The following WNK4 variants were observed in gnomAD, a reference collection of about 807,000 sequenced individuals.
WNK4 encodes the protein serine/threonine-protein kinase WNK4.
WNK4 carries 94 observed loss-of-function variants against 116.2 expected under a neutral mutation model. That is an observed-to-expected ratio of 0.81 (90% CI 0.68 to 0.96). WNK4 has a LOEUF of 0.96. WNK4 is among the 40% of genes least tolerant of loss of function. WNK4 has a pLI of 0.00. For synonymous variants in WNK4, 655 were observed against 672.7 expected (o/e 0.97, Z 0.41); for missense variants, 1,542 against 1,650.6 (o/e 0.93, Z 1.14).
chr17:42,795,263 C>T lies in WNK4; in HGVS notation c.2842C>T (p.Leu948Phe), dbSNP rs372807256. Residue 948 changes from leucine (L) to phenylalanine (F), a missense_variant, in exon 14 of 19, where the codon CTC becomes TTC. By Grantham distance (22) the Leu-to-Phe change is conservative. Coordinates refer to ENST00000246914, the MANE Select transcript of WNK4 (RefSeq NM_032387.5). Reference protein sequence around the residue: ...AQSLLSPSPGLLSQSPPAPPS... With the variant: ...AQSLLSPSPGFLSQSPPAPPS... ...GTCCCTGCTGTCCCCCTCACCTGGGCTCCTTTCCCAGTCTCCTCCAGCCCC... is the reference window on the plus strand; with the variant it reads ...GTCCCTGCTGTCCCCCTCACCTGGGTTCCTTTCCCAGTCTCCTCCAGCCCC... The T allele has an allele frequency of 1.2e-6, 2 of 1,613,878 alleles. No individual in the cohort carries two copies. Among genetic ancestry groups the T allele is most frequent in the East Asian group, 4.5e-5 (2 of 44,854 alleles).
rs1376767214 is a variant in WNK4, at chr17:42,793,677, T to A, written c.2243T>A (p.Leu748Ter). The A allele has an allele frequency of 6.2e-7, 1 of 1,614,048 alleles. No homozygotes were observed. The highest frequency in any genetic ancestry group is 8.5e-7 in the Non-Finnish European group (1 of 1,180,000). ...ATTATCCAGCGAGTGGAGACCCTGT[T>A]GAAGAGAGACACTGGCCCCATGGAG... Reference protein sequence around the residue: ...REIIQRVETLLKRDTGPMEAA... With the variant: ...REIIQRVETL The change falls in exon 12 of 19, where the codon TTG becomes TAG. Residue 748 changes from leucine to a stop codon, truncating the protein, a stop_gained. Coordinates refer to ENST00000246914, the MANE Select transcript of WNK4 (RefSeq NM_032387.5). LOFTEE classifies it high-confidence loss of function.
In WNK4 at chr17:42,794,990, C is replaced by T. The variant is rs61755626; in HGVS notation, c.2569C>T (p.His857Tyr). 61 of 1,613,122 alleles carry T rather than the reference C, an allele frequency of 3.8e-5. No homozygotes were observed. The African/African-American group carries it at 7.2e-4, about 19-fold the overall frequency. ...SSQVSSNPSP[H>Y]PTSSPLPFSS... is the part of the protein sequence containing the mutation. ...CCAGGTCTCCTCAAATCCCTCTCCA[C>T]ACCCCACCAGCTCTCCACTTCCATT... is the stretch of plus-strand genomic sequence containing the variant. Residue 857 changes from histidine to tyrosine, a missense_variant, in exon 14 of 19, where the codon CAC becomes TAC. By Grantham distance (83) the His-to-Tyr change is moderately conservative. This residue lies in a region of WNK4 where 808 missense variants were observed against 873.6 expected (regional missense o/e 0.92). Coordinates refer to ENST00000246914, the MANE Select transcript of WNK4 (RefSeq NM_032387.5).
Position 42,788,131 on chromosome 17 carries a change from C to G in WNK4, c.1865C>G (p.Ala622Gly), listed in dbSNP as rs201356607. 24 of 1,614,124 alleles carry G rather than the reference C, an allele frequency of 1.5e-5. No individual in the cohort carries two copies. Among genetic ancestry groups the G allele is most frequent in the Non-Finnish European group, 1.9e-5 (23 of 1,180,052 alleles). Residue 622 changes from alanine (A) to glycine (G), a missense_variant and splice_region_variant, in exon 9 of 19, where the codon GCT becomes GGT. Physicochemically the swap from Ala to Gly is moderately conservative, Grantham distance 60 (BLOSUM62 0). Coordinates refer to ENST00000246914, the MANE Select transcript of WNK4 (RefSeq NM_032387.5). ...LAESHLCLPS[A>G]FALSIPRSGP... ...TCATGAACCCTTATCCTGTTTCAGG[C>G]TTTTGCCCTATCCATTCCACGTTCT...
rs138944002 is a variant in WNK4 at position 42,795,325 on chromosome 17, C to T, written c.2904C>T (p.Pro968=). The T allele has an allele frequency of 9.3e-6, 15 of 1,613,980 alleles. No homozygotes were observed. In the African/African-American group the frequency reaches 1.7e-4, roughly 19 times the overall value. Residue 968 remains proline (P), a synonymous_variant, in exon 14 of 19, where the codon CCC becomes CCT. Transcript: ENST00000246914. Reference sequence around the variant, plus strand: ...TCCCTAGCCTGCCCCTTCCCCCTCCCGTTGCTCCTGGTGGCCAGGAAAGCC... The same window carrying T: ...TCCCTAGCCTGCCCCTTCCCCCTCCTGTTGCTCCTGGTGGCCAGGAAAGCC... ...SPLPSLPLPP[P]VAPGGQESPS... is the part of the protein sequence containing the mutation.
intron 12 of WNK4, 40 bp downstream of exon 12, chr17:42,793,769 C>G: frequency 6.2e-7 from 1 of 1,612,838 alleles, no homozygotes. Flanking sequence ...GAAATGGACT[C>G]TCTGCTCCAG....
At chr17:42,781,611 G>A (rs762034627) in intron 1 of WNK4, among the ~76,000 whole-genome samples, 2 of 152,146 alleles carry the variant, frequency 1.3e-5, no homozygotes, top group Non-Finnish European at 2.9e-5. Context: ...AGGCAGGGGA[G>A]CCAGTTCAGG....
At position 42,787,430 on chromosome 17, in the gene WNK4, T is replaced by C. The variant is rs1207118213; in HGVS notation, c.1629T>C (p.Thr543=). The change falls in exon 7 of 19, where the codon ACT becomes ACC. Residue 543 remains threonine, a synonymous_variant. Coordinates refer to ENST00000246914, the MANE Select transcript of WNK4 (RefSeq NM_032387.5). The stretch of plus-strand genomic sequence containing the variant: ...CAGAGCCAGGACCTCCACCAGCAAC[T>C]GTGCCCATGGCCCCCGGTCCCCCCA... ...LPPEPGPPPA[T]VPMAPGPPSV... is the part of the protein sequence containing the mutation. 2 of 1,614,008 alleles carry C rather than the reference T, an allele frequency of 1.2e-6. No homozygotes were observed. Among genetic ancestry groups the C allele is most frequent in the East Asian group, 4.5e-5 (2 of 44,886 alleles).
chr17:42,787,891 C>T lies in WNK4; in HGVS notation c.1855C>T (p.Leu619=), dbSNP rs757047992. Residue 619 remains leucine (L), a synonymous_variant, in exon 8 of 19, where the codon CTG becomes TTG. Transcript: ENST00000246914. ...PSSLAESHLC[L]PSAFALSIPR... is the part of the protein sequence containing the mutation. ...CAGCCTGGCTGAGTCCCATCTCTGC[C>T]TGCCCTCGGTGAGAGGGGGTCGCAT... is the stretch of plus-strand genomic sequence containing the variant. 95 of 1,610,092 alleles carry T rather than the reference C, an allele frequency of 5.9e-5. 1 individual carries two copies. The East Asian group carries it at 2.1e-3, about 35-fold the overall frequency.
chr17:42,795,652 T>C lies in WNK4; in HGVS notation c.3050T>C (p.Phe1017Ser). The stretch of plus-strand genomic sequence containing the variant: ...GGAAAGCCGCAGCTTGTTGGGCGTT[T>C]CCAAGTGACTTCATCCAAGGAACCG... ...EEGKPQLVGRFQVTSSKEPAE... is the reference protein window; with the variant it reads ...EEGKPQLVGRSQVTSSKEPAE... Residue 1017 changes from phenylalanine (F) to serine (S), a missense_variant, in exon 16 of 19, where the codon TTC (phenylalanine) becomes TCC (serine). By Grantham distance (155) the Phe-to-Ser change is radical (BLOSUM62 -2). Coordinates refer to ENST00000246914, the MANE Select transcript of WNK4 (RefSeq NM_032387.5). 1 of 1,613,500 alleles carries C rather than the reference T, an allele frequency of 6.2e-7. No individual in the cohort carries two copies.
intron 7 of WNK4, 97 bp downstream of exon 7, chr17:42,787,639 T>A: frequency 6.3e-7 from 1 of 1,592,962 alleles, no homozygotes; most frequent in Non-Finnish European, 8.6e-7. Context: ...TTACCCTGCC[T>A]TCCACCTCTA....
chr17:42,793,922 G>A lies in WNK4; in HGVS notation c.2295+193G>A, dbSNP rs372381851. The A allele has an allele frequency of 1.5e-3, 962 of 642,514 alleles. 8 individuals are homozygous for A. The African/African-American group carries it at 0.016, about 10-fold the overall frequency. The allele number at this position is 642,514 out of a possible 1,614,324, so 39.8% of individuals were successfully genotyped here. A position where few individuals can be genotyped will look rare whatever the true frequency, so the allele number is the denominator to read the frequency against. ...GGCTGGAGTGCAGTGGCACGATCTC[G>A]GCTCACTGCAAGCTCCGCCTCCCGG... is the stretch of plus-strand genomic sequence containing the variant. On this transcript the variant is annotated intron_variant, in intron 12 of 18. Transcript: ENST00000246914.
Position 42,782,889 on chromosome 17 carries a change from C to G in WNK4, c.750C>G (p.Ile250Met), listed in dbSNP as rs1422832341. Residue 250 changes from isoleucine to methionine, a missense_variant, in exon 2 of 19, where the codon ATC (isoleucine) becomes ATG (methionine). Ile to Met is a conservative substitution (Grantham distance 10). Around this residue, in one of 7 missense-constraint regions of WNK4, gnomAD observed 808 missense variants for 873.6 expected, o/e 0.92. Transcript: ENST00000246914. The surrounding 1 kb of genome is among the most constrained non-coding windows in gnomAD (Gnocchi z 4.2). ...WKSVLRGQVC[I>M]VLVTELMTSG... ...CGGTGCTGAGGGGCCAGGTTTGCAT[C>G]GTGCTGGTCACCGAACTCATGACCT... The G allele has an allele frequency of 6.2e-7, 1 of 1,614,056 alleles. No individual in the cohort carries two copies. Among genetic ancestry groups the G allele is most frequent in the African/African-American group, 1.3e-5 (1 of 74,924 alleles).
chr17:42,783,064 C>A, intron 2 of WNK4, 134 bp downstream of exon 2: 2 of 1,241,514 alleles, frequency 1.6e-6, no homozygotes, highest in Non-Finnish European at 2.3e-6. Context: ...CTCACCCAAC[C>A]TTTGTCCCTG....
intron 11 of WNK4, among the ~76,000 whole-genome samples, chr17:42,790,042 G>A (rs759850537): frequency 9.9e-5 from 15 of 152,028 alleles, no homozygotes; most frequent in South Asian, 8.3e-4. Context: ...AAGGCACAGT[G>A]TAACGTGACA....
At chr17:42,791,098 T>C (rs2054602321) in intron 11 of WNK4, among the ~76,000 whole-genome samples, 3 of 152,024 alleles carry the variant, frequency 2.0e-5, no homozygotes, top group Admixed American at 2.0e-4. Flanking sequence ...GGCTTTCAAG[T>C]CCCCTCTGAT....
At position 42,784,697 on chromosome 17, in the gene WNK4, G is replaced by A; in HGVS notation, c.1170+118G>A. ...ACGAAAACAGGCTAGACACAGAGTCGCCTTGGTGAACACAGAAGGATATTG... is the reference window on the plus strand; with the variant it reads ...ACGAAAACAGGCTAGACACAGAGTCACCTTGGTGAACACAGAAGGATATTG... On this transcript the variant is annotated intron_variant, in intron 4 of 18. Transcript: ENST00000246914. The surrounding 1 kb of genome is among the most constrained non-coding windows in gnomAD (Gnocchi z 4.4). The A allele has an allele frequency of 2.2e-6, 3 of 1,350,502 alleles. No homozygotes were observed. The highest frequency in any genetic ancestry group is 3.1e-6 in the Non-Finnish European group (3 of 970,680). 83.7% of individuals were successfully genotyped at this position (1,350,502 alleles called of 1,614,324 possible).
rs61754342 is a variant in WNK4 at position 42,782,320 on chromosome 17, G to T, written c.619-438G>T. ...TCCCTCCATATCCCTCCCGCCTTCC[G>T]TCTGGATCTAGCAGTTCTGTTTCTG... On this transcript the variant is annotated intron_variant, in intron 1 of 18. Transcript: ENST00000246914. The surrounding 1 kb of genome is among the most constrained non-coding windows in gnomAD (Gnocchi z 4.2). 6.6e-6 allele frequency among the ~76,000 whole-genome samples: 1 copy of T among 152,154 alleles called. No individual in the cohort carries two copies. Among genetic ancestry groups the T allele is most frequent in the Non-Finnish European group, 1.5e-5 (1 of 68,014 alleles).
At chr17:42,789,772 G>A (rs1326171005) in intron 11 of WNK4, among the ~76,000 whole-genome samples, 1 of 152,108 alleles carries the variant, frequency 6.6e-6, no homozygotes, top group African/African-American at 2.4e-5. Flanking sequence ...TTGGGTGGAT[G>A]AAGTAGGAGG....
In WNK4 at chr17:42,787,446, G is replaced by A. The variant is rs768493990; in HGVS notation, c.1645G>A (p.Gly549Ser). 14 of 1,613,216 alleles carry A rather than the reference G, an allele frequency of 8.7e-6. No individual in the cohort carries two copies. Among genetic ancestry groups the A allele is most frequent in the East Asian group, 4.5e-5 (2 of 44,864 alleles). Reference sequence around the variant, plus strand: ...ACCAGCAACTGTGCCCATGGCCCCCGGTCCCCCCAGTGTCTTCCCCCCTGA... The same window carrying A: ...ACCAGCAACTGTGCCCATGGCCCCCAGTCCCCCCAGTGTCTTCCCCCCTGA... ...PPPATVPMAP[G>S]PPSVFPPEPE... The change falls in exon 7 of 19, where the codon GGT becomes AGT. Residue 549 changes from glycine to serine, a missense_variant. Physicochemically the swap from Gly to Ser is moderately conservative, Grantham distance 56. This residue lies in a region of WNK4 where 808 missense variants were observed against 873.6 expected (regional missense o/e 0.92). Coordinates refer to ENST00000246914, the MANE Select transcript of WNK4 (RefSeq NM_032387.5).
Sources: allele counts gnomAD v4.1 joint callset (sites outside exome capture counted in the v4.1 genomes callset), GRCh38; gene constraint gnomAD v4.1.1; regional missense constraint gnomAD v4.1.1; non-coding constraint Gnocchi (gnomAD v3.1); transcripts MANE v1.5; gene names NCBI Gene and HGNC (gene_info 2026-07-23, HGNC 2026-07-21).